The following MAP3K20 variants were observed in gnomAD, a reference collection of about 807,000 sequenced individuals.
MAP3K20 encodes the protein HCCS-4.
A neutral mutation model predicts 85.7 loss-of-function variants in MAP3K20; 40 were observed. That is an observed-to-expected ratio of 0.47 (90% CI 0.36 to 0.61). The LOEUF is 0.61. MAP3K20 is among the 20% of genes least tolerant of loss of function. The pLI is 0.00. For synonymous variants in MAP3K20, 325 were observed against 327.7 expected, an observed-to-expected ratio of 0.99 and a Z score of 0.09; for missense variants, 817 against 961.7, an observed-to-expected ratio of 0.85 and a Z score of 1.99.
At chr2:173,101,848 C>T (rs1055564133) in intron 2 of MAP3K20, among the ~76,000 whole-genome samples, 17 of 152,116 alleles carry the variant, frequency 1.1e-4, no homozygotes, top group African/African-American at 4.1e-4. Flanking sequence ...AGAATAGAGG[C>T]CATGTTATCA....
At chr2:173,139,282 G>C (rs1235164627) in intron 2 of MAP3K20, among the ~76,000 whole-genome samples, 1 of 152,124 alleles carries the variant, frequency 6.6e-6, no homozygotes, top group Non-Finnish European at 1.5e-5. Flanking sequence ...TATTTCCGAT[G>C]CCTTAATGTC....
intron 2 of MAP3K20, among the ~76,000 whole-genome samples, chr2:173,156,193 T>C (rs1689463267): frequency 1.3e-5 from 2 of 152,246 alleles, no homozygotes; most frequent in Admixed American, 1.3e-4. Context: ...CATATTGGGA[T>C]TCTTTCAGCC....
At chr2:173,147,650 G>C (rs1045563119) in intron 2 of MAP3K20, among the ~76,000 whole-genome samples, 2 of 151,930 alleles carry the variant, frequency 1.3e-5, no homozygotes, top group East Asian at 3.9e-4. Flanking sequence ...GCAGTGGCAC[G>C]ATCTCGGCTC....
intron 12 of MAP3K20, among the ~76,000 whole-genome samples, chr2:173,230,518 C>T (rs1056521725): frequency 3.9e-5 from 6 of 152,188 alleles, no homozygotes; most frequent in South Asian, 2.1e-4. Context: ...CACGCCCAGA[C>T]ATTCTCTGTA....
intron 2 of MAP3K20, among the ~76,000 whole-genome samples, chr2:173,139,187 T>C (rs1353102808): frequency 6.6e-6 from 1 of 152,222 alleles, no homozygotes; most frequent in African/African-American, 2.4e-5. Context: ...GTACAGTGCT[T>C]AATCTGAGGT....
intron 1 of MAP3K20, among the ~76,000 whole-genome samples, chr2:173,083,580 G>A (rs748761633): frequency 5.9e-5 from 9 of 152,038 alleles, no homozygotes; most frequent in Non-Finnish European, 1.3e-4. Context: ...TTGAGGAATA[G>A]AATCTTTGAA....
chr2:173,205,032 G>A (rs1208940298), intron 9 of MAP3K20, among the ~76,000 whole-genome samples: 4 of 151,194 alleles, frequency 2.6e-5, no homozygotes, highest in African/African-American at 7.3e-5. Context: ...GAACCCGGGA[G>A]GCGGAGCTTG....
chr2:173,208,908 G>C (rs896363540), intron 9 of MAP3K20, among the ~76,000 whole-genome samples: 2 of 152,176 alleles, frequency 1.3e-5, no homozygotes, highest in African/African-American at 4.8e-5. Context: ...ACCTTGGCTA[G>C]AGTCTAAAGA....
chr2:173,263,615 T>C, intron 18 of MAP3K20, 130 bp from the exon 19 acceptor site: 1 of 879,950 alleles, frequency 1.1e-6, no homozygotes, highest in Non-Finnish European at 1.7e-6. Context: ...ATGATAGTGT[T>C]CTAAGAGGTG....
At chr2:173,152,891 T>A (rs972382699) in intron 2 of MAP3K20, among the ~76,000 whole-genome samples, 27 of 152,224 alleles carry the variant, frequency 1.8e-4, no homozygotes, top group African/African-American at 6.3e-4. Flanking sequence ...TGCTGGTAGC[T>A]GCCCAAACAG....
chr2:173,100,347 G>A (rs566025412), intron 2 of MAP3K20, among the ~76,000 whole-genome samples: 2 of 152,318 alleles, frequency 1.3e-5, no homozygotes, highest in East Asian at 1.9e-4. Context: ...CTAAGGCTCA[G>A]GGAAGTTAAG....
At chr2:173,124,147 A>G (rs777347263) in intron 2 of MAP3K20, among the ~76,000 whole-genome samples, 1 of 152,166 alleles carries the variant, frequency 6.6e-6, no homozygotes, top group Non-Finnish European at 1.5e-5. Flanking sequence ...CCTCCAGTCA[A>G]AGCTCATGAC....
chr2:173,226,965 A>G, intron 11 of MAP3K20: 10 of 985,450 alleles, frequency 1.0e-5, no homozygotes, highest in Non-Finnish European at 1.2e-5. Flanking sequence ...ATTAAATTTT[A>G]CTCTTGTGTG....
At chr2:173,083,928 AC>A (rs1207202317) in intron 1 of MAP3K20, among the ~76,000 whole-genome samples, 1 of 152,182 alleles carries the variant, frequency 6.6e-6, no homozygotes, top group Non-Finnish European at 1.5e-5. Context: ...TGGCAACCTT[AC>A]TTTTTGAAGA....
At chr2:173,088,601 A>G (rs1329324297) in intron 1 of MAP3K20, among the ~76,000 whole-genome samples, 1 of 152,182 alleles carries the variant, frequency 6.6e-6, no homozygotes, top group Non-Finnish European at 1.5e-5. Flanking sequence ...GGAAACTTCT[A>G]TTTTTTATGA....
At chr2:173,225,917 A>G (rs1411582153) in intron 11 of MAP3K20, 1 of 984,936 alleles carries the variant, frequency 1.0e-6, no homozygotes, top group Non-Finnish European at 1.2e-6. Flanking sequence ...TTAAAAAAAA[A>G]AAAGAAAAAA....
intron 9 of MAP3K20, 22 bp downstream of exon 9, chr2:173,203,892 A>G: frequency 6.3e-7 from 1 of 1,599,892 alleles, no homozygotes; most frequent in Non-Finnish European, 8.6e-7. Flanking sequence ...TATTTTTGTT[A>G]TTGTTTAGAA....
chr2:173,118,896 T>A (rs1688199012), intron 2 of MAP3K20, among the ~76,000 whole-genome samples: 1 of 152,166 alleles, frequency 6.6e-6, no homozygotes. Flanking sequence ...TTTAGAAGTG[T>A]ACAGTTTGTC....
intron 12 of MAP3K20, among the ~76,000 whole-genome samples, chr2:173,230,574 C>T (rs997190351): frequency 1.3e-5 from 2 of 152,192 alleles, no homozygotes; most frequent in Non-Finnish European, 2.9e-5. Flanking sequence ...TGCACTCAGA[C>T]TGTTGAAGTC....
Sources: allele counts gnomAD v4.1 joint callset (sites outside exome capture counted in the v4.1 genomes callset), GRCh38; gene constraint gnomAD v4.1.1; transcripts MANE v1.5; gene names NCBI Gene and HGNC (gene_info 2026-07-23, HGNC 2026-07-21).